Variants in ZNF718 observed in about 807,000 individuals in gnomAD.
ZNF718 encodes the protein zinc finger protein 718.
Under a neutral mutation model 2.6 loss-of-function variants are expected in ZNF718, and 3 were observed. The ratio of observed to expected loss-of-function variants is 1.16; its 90% CI spans 0.53 to 3.01. The LOEUF (loss-of-function observed/expected upper bound fraction) is 3.01, where lower values mean the gene tolerates loss of function less well. ZNF718 is among the 30% of genes most tolerant of loss of function. ZNF718 has a pLI of 0.03. For missense variants in ZNF718, 468 were observed against 230.0 expected, an observed-to-expected ratio of 2.03 and a Z score of -6.69; for synonymous variants, 135 against 77.9, an observed-to-expected ratio of 1.73 and a Z score of -3.86.
intron 3 of ZNF718, among the ~76,000 whole-genome samples, chr4:194,157 G>T (rs1717747771): frequency 6.6e-6 from 1 of 152,146 alleles, no homozygotes; most frequent in African/African-American, 2.4e-5. Context: ...TTTGCTCCGG[G>T]CCTAAGGCGG....
intron 3 of ZNF718, among the ~76,000 whole-genome samples, chr4:157,067 GTTTTTCTT>G (rs782284317): frequency 3.9e-4 from 45 of 114,948 alleles, no homozygotes; most frequent in Non-Finnish European, 6.8e-4. Flanking sequence ...CAACATTGTT[GTTTTTCTT>G]TTTTTCTTTT....
chr4:181,980 G>T (rs572655033), intron 3 of ZNF718, among the ~76,000 whole-genome samples: 1 of 152,216 alleles, frequency 6.6e-6, no homozygotes, highest in East Asian at 1.9e-4. Flanking sequence ...CCATGTCACT[G>T]CAAAGGACAT....
downstream of ZNF718, among the ~76,000 whole-genome samples, chr4:168,262 T>C (rs1717136492): frequency 6.6e-6 from 1 of 152,224 alleles, no homozygotes; most frequent in Admixed American, 6.5e-5. Context: ...CAGTATTTTA[T>C]TGAGGATTTT....
At chr4:160,099 A>T (rs1553814560) in intron 3 of ZNF718, among the ~76,000 whole-genome samples, 3 of 152,198 alleles carry the variant, frequency 2.0e-5, no homozygotes. Flanking sequence ...CTCATGAAAC[A>T]TTTACCTTTG....
At chr4:156,358 A>T (rs1375769075) in intron 3 of ZNF718, among the ~76,000 whole-genome samples, 1 of 152,196 alleles carries the variant, frequency 6.6e-6, no homozygotes, top group Admixed American at 6.5e-5. Context: ...TGTCATTGAA[A>T]TACTTCTAAT....
At chr4:141,897 C>G (rs1715827650) in intron 3 of ZNF718, 1 of 365,718 alleles carries the variant, frequency 2.7e-6, no homozygotes. Context: ...GGATTTCATT[C>G]AGTTGTTATT....
At chr4:137,206 A>G (rs1253276664) in intron 3 of ZNF718, among the ~76,000 whole-genome samples, 4 of 152,184 alleles carry the variant, frequency 2.6e-5, no homozygotes, top group African/African-American at 9.7e-5. Flanking sequence ...CTTCCTGTAC[A>G]GCCTGCAGAA....
rs1481502431 is a variant in ZNF718 at position 131,816 on chromosome 4, C to T, written c.226+311C>T. On this transcript the variant is annotated intron_variant, in intron 3 of 3. Coordinates refer to ENST00000510175, the MANE Select transcript of ZNF718 (RefSeq NM_001039127.6). ...TTAAAAACACAGGAGGCGGCCGAGG[C>T]GGGTGGATCATGAGGTCAGGAGATC... Among the ~76,000 whole-genome samples, 5 of 93,270 alleles carry T rather than the reference C, an allele frequency of 5.4e-5. 1 individual carries two copies. Among genetic ancestry groups the T allele is most frequent in the Non-Finnish European group, 1.2e-4 (5 of 43,330 alleles). 61.2% of individuals were successfully genotyped at this position (93,270 alleles called of 152,430 possible).
intron 1 of ZNF718, among the ~76,000 whole-genome samples, chr4:129,756 T>C (rs1479184193): frequency 1.2e-5 from 1 of 81,590 alleles, no homozygotes; most frequent in African/African-American, 4.3e-5. Context: ...CTCTCTATAT[T>C]GAGCTATTAT....
chr4:174,592 C>T lies in ZNF718; in HGVS notation c.227-26489C>T, dbSNP rs146378145. ...AGCCACTCTAGTTAATTAATTCAGC[C>T]TGTTCAGCAACAAGAAACCTAGCTA... On this transcript the variant is annotated intron_variant and NMD_transcript_variant, in intron 3 of 4. Transcript: ENST00000642529. Among the ~76,000 whole-genome samples, 963 of 152,278 alleles carry T rather than the reference C, an allele frequency of 6.3e-3. 11 individuals are homozygous for T. The highest frequency in any genetic ancestry group is 0.022 in the African/African-American group (902 of 41,552).
chr4:197,518 T>C (rs11728864), intron 3 of ZNF718, among the ~76,000 whole-genome samples: 19,606 of 152,042 alleles, frequency 0.13, 1,708 homozygotes, highest in Admixed American at 0.24. Flanking sequence ...CCTGACCCAC[T>C]CCAGAAAGCT....
chr4:134,978 T>C (rs1553809051), intron 3 of ZNF718, among the ~76,000 whole-genome samples: 1 of 152,112 alleles, frequency 6.6e-6, no homozygotes, highest in Non-Finnish European at 1.5e-5. Flanking sequence ...GCACAGTGGC[T>C]CACGACCGTA....
At chr4:180,982 T>C (rs1031403334) in intron 3 of ZNF718, among the ~76,000 whole-genome samples, 2 of 152,096 alleles carry the variant, frequency 1.3e-5, no homozygotes, top group Admixed American at 6.6e-5. Flanking sequence ...ATTATGATTC[T>C]GTTCAAAAAG....
At chr4:176,840 C>A (rs1035832127) in intron 3 of ZNF718, among the ~76,000 whole-genome samples, 3 of 152,202 alleles carry the variant, frequency 2.0e-5, no homozygotes. Flanking sequence ...CTCTAGACAG[C>A]AGCAACTTTA....
chr4:196,456 G>T (rs9991675), intron 3 of ZNF718, among the ~76,000 whole-genome samples: 152,127 of 152,284 alleles, frequency 1, 75,985 homozygotes, highest in Non-Finnish European at 1. Context: ...GAAATGAAAG[G>T]CTGAACCATT....
intron 3 of ZNF718, among the ~76,000 whole-genome samples, chr4:133,917 G>A (rs1715440921): frequency 6.6e-6 from 1 of 152,228 alleles, no homozygotes; most frequent in South Asian, 2.1e-4. Flanking sequence ...CAGTTTTTTT[G>A]TAGTAAGAAC....
chr4:154,150 T>C (rs1308739814), intron 3 of ZNF718, among the ~76,000 whole-genome samples: 5 of 152,208 alleles, frequency 3.3e-5, no homozygotes, highest in Admixed American at 3.3e-4. Context: ...ATATATGACA[T>C]GACTTTTGGC....
At chr4:127,069 C>T (rs1462575634) in intron 1 of ZNF718, among the ~76,000 whole-genome samples, 1 of 152,086 alleles carries the variant, frequency 6.6e-6, no homozygotes, top group Admixed American at 6.5e-5. Context: ...CATGATCCAC[C>T]GGCCTTGGCC....
downstream of ZNF718, among the ~76,000 whole-genome samples, chr4:168,485 CT>C (rs1553817353): frequency 6.6e-6 from 1 of 151,804 alleles, no homozygotes; most frequent in Non-Finnish European, 1.5e-5. Flanking sequence ...TGGTGCTGGA[CT>C]TTTTTTTGGT....
Sources: gnomAD v4.1 joint callset for allele counts (sites outside exome capture counted in the v4.1 genomes callset) on GRCh38, gnomAD v4.1.1 for gene constraint, MANE v1.5 for transcripts, NCBI Gene and HGNC (gene_info 2026-07-23, HGNC 2026-07-21) for gene names.